Variants in LRRC8B observed in about 807,000 individuals in gnomAD.
LRRC8B encodes the protein leucine rich repeat containing 8 VRAC subunit B.
In LRRC8B, 23 loss-of-function variants were observed where a neutral mutation model predicts 58.8. That is an observed-to-expected ratio of 0.39 (90% CI 0.28 to 0.55). The LOEUF is 0.55. LRRC8B is among the 20% of genes least tolerant of loss of function. LRRC8B has a pLI of 0.62. For missense variants in LRRC8B, 694 were observed against 936.0 expected, an observed-to-expected ratio of 0.74 and a Z score of 3.37; for synonymous variants, 359 against 374.1, an observed-to-expected ratio of 0.96 and a Z score of 0.47.
At chr1:89,588,367 T>C (rs1449344224) in intron 5 of LRRC8B, among the ~76,000 whole-genome samples, 1 of 152,266 alleles carries the variant, frequency 6.6e-6, no homozygotes, top group Non-Finnish European at 1.5e-5. Flanking sequence ...CAAGGAGAGA[T>C]GGTATGCAAT....
At position 89,576,786 on chromosome 1, in the gene LRRC8B, T is replaced by C. The variant is rs6700049; in HGVS notation, c.-124-2805T>C. Among the ~76,000 whole-genome samples, 815 of 152,316 alleles carry C rather than the reference T, an allele frequency of 5.4e-3. 11 individuals are homozygous for C. Among genetic ancestry groups the C allele is most frequent in the African/African-American group, 0.019 (778 of 41,578 alleles). ...GTTTGTTATTTGAAAATCACTGTACTAACAAGATTTGAAAGAACTACAAAG... is the reference window on the plus strand; with the variant it reads ...GTTTGTTATTTGAAAATCACTGTACCAACAAGATTTGAAAGAACTACAAAG... On this transcript the variant is annotated intron_variant, in intron 3 of 5. Transcript: ENST00000330947.
intron 1 of LRRC8B, among the ~76,000 whole-genome samples, chr1:89,547,350 A>C (rs904751220): frequency 1.3e-5 from 2 of 152,176 alleles, no homozygotes; most frequent in African/African-American, 4.8e-5. Context: ...ATCCATACTG[A>C]AATAAGACAG....
intron 4 of LRRC8B, 102 bp downstream of exon 4, chr1:89,579,790 AT>A (rs1654094788): frequency 6.6e-6 from 1 of 152,522 alleles, no homozygotes; most frequent in South Asian, 2.1e-4. Context: ...TGTTAGAGCT[AT>A]TGTTGTTTTC....
chr1:89,545,036 T>C (rs1651293522), intron 1 of LRRC8B, among the ~76,000 whole-genome samples: 1 of 152,234 alleles, frequency 6.6e-6, no homozygotes, highest in Non-Finnish European at 1.5e-5. Context: ...TTCTTTGTAA[T>C]TTCTAATTTG....
In LRRC8B at chr1:89,530,654, G is replaced by A. The variant is rs74849026; in HGVS notation, c.-241+5632G>A. Among the ~76,000 whole-genome samples the A allele has an allele frequency of 1.5e-3, 231 of 152,264 alleles. 1 individual carries two copies. Among genetic ancestry groups the A allele is most frequent in the Non-Finnish European group, 2.8e-3 (188 of 68,022 alleles). ...AGACTGTTGGCAAAAAATCAGTAGC[G>A]CATAAAGCAGCAGTGGAAAATGACC... is the stretch of plus-strand genomic sequence containing the variant. On this transcript the variant is annotated intron_variant, in intron 1 of 5. Coordinates refer to ENST00000330947, the MANE Select transcript of LRRC8B (RefSeq NM_001369817.2).
At chr1:89,565,865 T>C (rs544091892) in intron 1 of LRRC8B, among the ~76,000 whole-genome samples, 1 of 152,296 alleles carries the variant, frequency 6.6e-6, no homozygotes, top group East Asian at 1.9e-4. Flanking sequence ...CGCCGTGTTT[T>C]TAAGTGGAGT....
intron 3 of LRRC8B, among the ~76,000 whole-genome samples, chr1:89,573,019 G>A (rs1385515885): frequency 6.6e-6 from 1 of 151,962 alleles, no homozygotes; most frequent in Non-Finnish European, 1.5e-5. Context: ...CTCAAATGTC[G>A]GCCAGGCACG....
chr1:89,593,955 T>C lies in LRRC8B; in HGVS notation c.*912T>C, dbSNP rs1034629346. ...ACACCAATGATGAACCCTGAGAAAATGCCTGCATTTGGCCTTTGCCTAGAA... is the reference window on the plus strand; with the variant it reads ...ACACCAATGATGAACCCTGAGAAAACGCCTGCATTTGGCCTTTGCCTAGAA... On this transcript the variant is annotated 3_prime_UTR_variant, in exon 6 of 6. Transcript: ENST00000330947. The C allele has an allele frequency of 2.6e-5, 4 of 152,192 alleles. No individual in the cohort carries two copies. The highest frequency in any genetic ancestry group is 2.0e-4 in the Admixed American group (3 of 15,278). 9.4% of individuals were successfully genotyped at this position (152,192 alleles called of 1,614,324 possible). A position where few individuals can be genotyped will look rare whatever the true frequency, so the allele number is the denominator to read the frequency against.
chr1:89,545,016 A>G (rs1651292171), intron 1 of LRRC8B, among the ~76,000 whole-genome samples: 1 of 152,358 alleles, frequency 6.6e-6, no homozygotes, highest in East Asian at 1.9e-4. Context: ...AGTTGAAAAC[A>G]TATATTGCTT....
At chr1:89,544,898 A>C (rs930177235) in intron 1 of LRRC8B, among the ~76,000 whole-genome samples, 5 of 152,266 alleles carry the variant, frequency 3.3e-5, no homozygotes, top group Admixed American at 6.5e-5. Context: ...ACTCAAAATT[A>C]TAACCATTTT....
intron 4 of LRRC8B, among the ~76,000 whole-genome samples, chr1:89,581,927 G>A (rs1277044987): frequency 6.6e-6 from 1 of 152,228 alleles, no homozygotes; most frequent in Non-Finnish European, 1.5e-5. Flanking sequence ...TCTGGGCATA[G>A]AATTGTAGAC....
At position 89,594,025 on chromosome 1, in the gene LRRC8B, AAATT is replaced by A. The variant is rs1442448473; in HGVS notation, c.*986_*989del. On this transcript the variant is annotated 3_prime_UTR_variant, in exon 6 of 6. Coordinates refer to ENST00000330947, the MANE Select transcript of LRRC8B (RefSeq NM_001369817.2). ...ATGTATTATCCTCGGGGCATCCTGA[AAATT>A]AATGTATTCCCTAAAATTTCTTCTT... The A allele has an allele frequency of 6.6e-6, 1 of 152,196 alleles. No homozygotes were observed. The highest frequency in any genetic ancestry group is 2.4e-5 in the African/African-American group (1 of 41,454). 9.4% of individuals were successfully genotyped at this position (152,196 alleles called of 1,614,324 possible). A position where few individuals can be genotyped will look rare whatever the true frequency, so the allele number is the denominator to read the frequency against.
intron 5 of LRRC8B, among the ~76,000 whole-genome samples, chr1:89,585,016 A>G (rs1467470895): frequency 2.0e-5 from 3 of 152,242 alleles, no homozygotes; most frequent in South Asian, 4.1e-4. Flanking sequence ...CCTGGCACAT[A>G]ATAGTTGCTC....
In LRRC8B at chr1:89,588,994, C is replaced by T. The variant is rs1654812307; in HGVS notation, c.2140-3777C>T. Among the ~76,000 whole-genome samples, 5 of 152,126 alleles carry T rather than the reference C, an allele frequency of 3.3e-5. 1 individual carries two copies. The highest frequency in any genetic ancestry group is 3.3e-4 in the Admixed American group (5 of 15,282). ...TTCAATTTCTACAAATAGATTCCAT[C>T]ATTTTTATTAGTGGGCCTGTATTAC... On this transcript the variant is annotated intron_variant, in intron 5 of 5. Transcript: ENST00000330947.
At position 89,584,801 on chromosome 1, in the gene LRRC8B, C is replaced by T. The variant is rs1486765220; in HGVS notation, c.2139+12C>T. ...TGACCAACAACAATGTAAGTAAATC[C>T]ATTCTTTCTTTTATTCAGTATCTGC... On this transcript the variant is annotated intron_variant, in intron 5 of 5. Coordinates refer to ENST00000330947, the MANE Select transcript of LRRC8B (RefSeq NM_001369817.2). The T allele has an allele frequency of 1.3e-6, 2 of 1,543,382 alleles. No individual in the cohort carries two copies. The highest frequency in any genetic ancestry group is 2.8e-5 in the African/African-American group (2 of 72,660).
chr1:89,536,233 A>G (rs760930045), intron 1 of LRRC8B, among the ~76,000 whole-genome samples: 1 of 152,220 alleles, frequency 6.6e-6, no homozygotes, highest in Non-Finnish European at 1.5e-5. Flanking sequence ...CCATGATACA[A>G]ACATGGAAAC....
intron 1 of LRRC8B, among the ~76,000 whole-genome samples, chr1:89,564,484 C>G (rs1652899509): frequency 6.6e-6 from 1 of 152,114 alleles, no homozygotes; most frequent in Non-Finnish European, 1.5e-5. Context: ...AATGCTGGGT[C>G]TGCTTATGAA....
intron 5 of LRRC8B, among the ~76,000 whole-genome samples, chr1:89,585,306 G>A (rs2101075386): frequency 6.6e-6 from 1 of 152,302 alleles, no homozygotes; most frequent in South Asian, 2.1e-4. Context: ...GATTCAAAAT[G>A]AAAGGCCTGC....
At chr1:89,530,443 TC>T (rs1650043049) in intron 1 of LRRC8B, among the ~76,000 whole-genome samples, 1 of 152,028 alleles carries the variant, frequency 6.6e-6, no homozygotes, top group African/African-American at 2.4e-5. Flanking sequence ...TCAGGAATAA[TC>T]TAATTCTTTT....
Sources: allele counts gnomAD v4.1 joint callset (sites outside exome capture counted in the v4.1 genomes callset), GRCh38; gene constraint gnomAD v4.1.1; transcripts MANE v1.5; gene names NCBI Gene and HGNC (gene_info 2026-07-23, HGNC 2026-07-21).